The following ALPK2 variants were observed in gnomAD, a reference collection of about 807,000 sequenced individuals.
The protein encoded by ALPK2 is alpha-protein kinase 2.
A neutral mutation model predicts 163.1 loss-of-function variants in ALPK2; 127 were observed. That is an observed-to-expected ratio of 0.78 (90% confidence interval 0.67 to 0.90). The LOEUF (loss-of-function observed/expected upper bound fraction) is 0.90, where lower values mean the gene tolerates loss of function less well. Ranked by LOEUF, ALPK2 falls within the 40% of genes least tolerant of loss-of-function variation. The probability of loss-of-function intolerance (pLI) is 0.00; values close to 1 mark genes in which losing one functional copy is unlikely to be tolerated. For synonymous variants in ALPK2, 953 were observed against 959.1 expected, an observed-to-expected ratio of 0.99 and a Z score of 0.12; for missense variants, 2,360 against 2,589.6, an observed-to-expected ratio of 0.91 and a Z score of 1.92.
chr18:58,606,359 C>G (rs1202472385), intron 3 of ALPK2, among the ~76,000 whole-genome samples: 2 of 152,224 alleles, frequency 1.3e-5, no homozygotes, highest in Non-Finnish European at 2.9e-5. Context: ...AGATTGCAGG[C>G]ATGAGCCACC....
intron 3 of ALPK2, among the ~76,000 whole-genome samples, chr18:58,601,795 G>A (rs536770120): frequency 1.4e-4 from 22 of 152,258 alleles, no homozygotes; most frequent in Admixed American, 6.5e-4. Context: ...GAACCAGCCC[G>A]CCAGCCCACA....
chr18:58,621,176 C>T (rs973986404), intron 1 of ALPK2, among the ~76,000 whole-genome samples: 1 of 144,348 alleles, frequency 6.9e-6, no homozygotes, highest in Non-Finnish European at 1.5e-5. Context: ...AAAAATGAGA[C>T]TCTGATAATG....
chr18:58,489,018 G>A (rs570854261), intron 12 of ALPK2, among the ~76,000 whole-genome samples: 9 of 152,284 alleles, frequency 5.9e-5, no homozygotes, highest in Middle Eastern at 3.4e-3. Context: ...ATTAATAAGC[G>A]GAGCGGCACT....
rs2051698400 is a variant in ALPK2, at chr18:58,543,029, T to TCTGC, written c.1963-4806_1963-4805insGCAG. 5.1e-4 allele frequency among the ~76,000 whole-genome samples: 78 copies of TCTGC among 152,274 alleles called. 2 individuals carry two copies. The South Asian group carries it at 0.016, about 31-fold the overall frequency. On this transcript the variant is annotated intron_variant, in intron 4 of 12. Coordinates refer to ENST00000361673, the MANE Select transcript of ALPK2 (RefSeq NM_052947.4). Reference sequence around the variant, plus strand: ...AGCTCTGCCCTCATAGAGGGATTAATCCATTTATGGATTAATGAATTAATG... The same window carrying TCTGC: ...AGCTCTGCCCTCATAGAGGGATTAATCTGCCCATTTATGGATTAATGAATTAATG...
At chr18:58,583,150 T>G (rs1039128895) in intron 3 of ALPK2, among the ~76,000 whole-genome samples, 11 of 152,204 alleles carry the variant, frequency 7.2e-5, no homozygotes, top group Non-Finnish European at 1.6e-4. Context: ...AATATATTTT[T>G]AGAGTCAAAT....
chr18:58,564,400 G>T (rs1252758628), intron 4 of ALPK2, among the ~76,000 whole-genome samples: 1 of 151,934 alleles, frequency 6.6e-6, no homozygotes, highest in Non-Finnish European at 1.5e-5. Context: ...GGGATTACAG[G>T]CATGACCCAC....
chr18:58,541,263 G>A (rs4450489), intron 4 of ALPK2, among the ~76,000 whole-genome samples: 12,938 of 152,250 alleles, frequency 0.085, 709 homozygotes, highest in East Asian at 0.29. Flanking sequence ...CATCTTGCCC[G>A]ACAGGAGCAG....
chr18:58,575,839 A>G lies in ALPK2; in HGVS notation c.1962+2975T>C, dbSNP rs117095925. Among the ~76,000 whole-genome samples, 79 of 152,326 alleles carry G rather than the reference A, an allele frequency of 5.2e-4. No individual in the cohort carries two copies. The East Asian group carries it at 0.013, about 26-fold the overall frequency. On this transcript the variant is annotated intron_variant, in intron 4 of 12. Coordinates refer to ENST00000361673, the MANE Select transcript of ALPK2 (RefSeq NM_052947.4). Reference sequence around the variant, plus strand: ...TAGGTACTATTTCAAGACAACAGCAAGATGGCCTTGCATTCTAAAAGAGAG... The same window carrying G: ...TAGGTACTATTTCAAGACAACAGCAGGATGGCCTTGCATTCTAAAAGAGAG...
chr18:58,521,625 C>CTTTT lies in ALPK2; in HGVS notation c.5665+2180_5665+2181insAAAA, dbSNP rs1375364902. Among the ~76,000 whole-genome samples the CTTTT allele has an allele frequency of 1.6e-4, 8 of 50,586 alleles. 1 individual carries two copies. Among genetic ancestry groups the CTTTT allele is most frequent in the Admixed American group, 2.6e-4 (1 of 3,874 alleles). 33.2% of individuals were successfully genotyped at this position (50,586 alleles called of 152,430 possible). ...CATTTCTTTTTCTTTCTTTCTCTCT[C>CTTTT]TCTTTTTTTTTTTTTTTTTTTGAGA... On this transcript the variant is annotated intron_variant, in intron 8 of 12. Transcript: ENST00000361673.
intron 4 of ALPK2, among the ~76,000 whole-genome samples, chr18:58,573,410 A>G (rs979468885): frequency 5.2e-5 from 7 of 133,712 alleles, no homozygotes; most frequent in African/African-American, 2.0e-4. Context: ...GTATATATAT[A>G]TGTTTTTTTT....
chr18:58,541,480 C>T (rs1331877931), intron 4 of ALPK2, among the ~76,000 whole-genome samples: 2 of 152,234 alleles, frequency 1.3e-5, no homozygotes, highest in African/African-American at 4.8e-5. Context: ...AGACACAGAT[C>T]CAAACCATAT....
chr18:58,494,714 G>T (rs1016442637), intron 12 of ALPK2, among the ~76,000 whole-genome samples: 84 of 152,204 alleles, frequency 5.5e-4, no homozygotes, highest in Non-Finnish European at 4.0e-4. Flanking sequence ...ACAGTTGCTT[G>T]CTAAGAATCA....
At chr18:58,624,951 C>T (rs1012717010) in intron 1 of ALPK2, among the ~76,000 whole-genome samples, 2 of 152,206 alleles carry the variant, frequency 1.3e-5, no homozygotes, top group African/African-American at 4.8e-5. Context: ...ATTCTTTCAT[C>T]ATCAAGAAGG....
intron 4 of ALPK2, among the ~76,000 whole-genome samples, chr18:58,550,450 A>C (rs868729772): frequency 6.4e-3 from 24 of 3,738 alleles, no homozygotes; most frequent in African/African-American, 0.011. Flanking sequence ...TCTATATCAT[A>C]TACAACCCCA....
At chr18:58,489,997 C>G (rs2051364621) in intron 12 of ALPK2, among the ~76,000 whole-genome samples, 1 of 151,794 alleles carries the variant, frequency 6.6e-6, no homozygotes, top group South Asian at 2.1e-4. Flanking sequence ...AGGAGAATCG[C>G]TTGAATGAGG....
rs1234554991 is a variant in ALPK2 at position 58,580,699 on chromosome 18, G to A, written c.228-151C>T. The A allele has an allele frequency of 4.0e-6, 3 of 756,426 alleles. No homozygotes were observed. In the South Asian group the frequency reaches 5.5e-5, roughly 14 times the overall value. The allele number at this position is 756,426 out of a possible 1,614,324, so 46.9% of individuals were successfully genotyped here. On this transcript the variant is annotated intron_variant, in intron 3 of 12. Coordinates refer to ENST00000361673, the MANE Select transcript of ALPK2 (RefSeq NM_052947.4). Reference sequence around the variant, plus strand: ...CCTGGAAAAGAGTTTGTGGCCAAAGGCAACTGACCTCTGGGCTCCGGTGCC... The same window carrying A: ...CCTGGAAAAGAGTTTGTGGCCAAAGACAACTGACCTCTGGGCTCCGGTGCC...
rs543202203 is a variant in ALPK2 at position 58,482,216 on chromosome 18, G to C, written c.6297-177C>G. Reference sequence around the variant, plus strand: ...TAAGTGAAGGTAAAAAACAAAGACTGTGGAAATAAGTAAAGGCAAAGATCT... The same window carrying C: ...TAAGTGAAGGTAAAAAACAAAGACTCTGGAAATAAGTAAAGGCAAAGATCT... On this transcript the variant is annotated intron_variant, in intron 12 of 12. Coordinates refer to ENST00000361673, the MANE Select transcript of ALPK2 (RefSeq NM_052947.4). Among the ~76,000 whole-genome samples the C allele has an allele frequency of 2.6e-5, 4 of 152,278 alleles. No individual in the cohort carries two copies. The South Asian group carries it at 8.3e-4, about 32-fold the overall frequency.
chr18:58,491,583 C>T (rs2051374991), intron 12 of ALPK2, among the ~76,000 whole-genome samples: 1 of 152,162 alleles, frequency 6.6e-6, no homozygotes, highest in African/African-American at 2.4e-5. Context: ...CACAAGAGGA[C>T]AGCTTTGACT....
intron 2 of ALPK2, 121 bp from the exon 3 acceptor site, chr18:58,607,560 C>T (rs972948400): frequency 2.3e-5 from 14 of 607,224 alleles, no homozygotes; most frequent in African/African-American, 3.8e-5. Context: ...TGATGGATTA[C>T]GTTAGGTGAG....
Sources: allele counts gnomAD v4.1 joint callset (sites outside exome capture counted in the v4.1 genomes callset), GRCh38; gene constraint gnomAD v4.1.1; transcripts MANE v1.5; gene names NCBI Gene and HGNC (gene_info 2026-07-23, HGNC 2026-07-21).